The following ABL1 variants were observed in gnomAD, a reference collection of about 807,000 sequenced individuals.
The protein encoded by ABL1 is ABL proto-oncogene 1, non-receptor tyrosine kinase.
A neutral mutation model predicts 94.7 loss-of-function variants in ABL1; 11 were observed. The ratio of observed to expected loss-of-function variants is 0.12; its 90% CI spans 0.07 to 0.19. ABL1 has a LOEUF of 0.19. ABL1 is among the 10% of genes least tolerant of loss of function. The pLI, the probability that ABL1 is intolerant of heterozygous loss-of-function variation, is 1.00. For missense variants in ABL1, 1,082 were observed against 1,489.4 expected (o/e 0.73, Z 4.50); for synonymous variants, 656 against 622.4 (o/e 1.05, Z -0.80).
intron 1 of ABL1, among the ~76,000 whole-genome samples, chr9:130,770,390 C>G (rs1832238169): frequency 1.3e-5 from 2 of 152,078 alleles, no homozygotes; most frequent in African/African-American, 4.8e-5. Context: ...ACCTGTAGTC[C>G]CAGCTACTCA....
chr9:130,869,302 AGAT>A (rs1300283670), intron 4 of ABL1, among the ~76,000 whole-genome samples: 1 of 152,234 alleles, frequency 6.6e-6, no homozygotes, highest in East Asian at 1.9e-4. Flanking sequence ...TCAGGAATAG[AGAT>A]AAACTGCCTT....
At chr9:130,836,473 T>C (rs1012363221) in intron 1 of ABL1, among the ~76,000 whole-genome samples, 1 of 152,226 alleles carries the variant, frequency 6.6e-6, no homozygotes, top group East Asian at 1.9e-4. Flanking sequence ...AGGCTATCTG[T>C]GCTTCAGAGA....
intron 1 of ABL1, among the ~76,000 whole-genome samples, chr9:130,754,317 G>A (rs958998540): frequency 6.6e-6 from 1 of 151,322 alleles, no homozygotes; most frequent in Non-Finnish European, 1.5e-5. Flanking sequence ...GACCATCCTG[G>A]CTAACATGGT....
chr9:130,806,121 A>G (rs1830120931), intron 1 of ABL1, among the ~76,000 whole-genome samples: 1 of 152,178 alleles, frequency 6.6e-6, no homozygotes, highest in Non-Finnish European at 1.5e-5. Flanking sequence ...TGCAAACCTC[A>G]TGTCTACAGA....
chr9:130,727,550 C>G (rs12344760), intron 1 of ABL1, among the ~76,000 whole-genome samples: 49,171 of 151,872 alleles, frequency 0.32, 11,624 homozygotes, highest in African/African-American at 0.65. Context: ...ATCACAAGTT[C>G]AGGCGTTCAA....
chr9:130,857,926 C>T (rs192765250), intron 3 of ABL1, among the ~76,000 whole-genome samples: 6 of 152,152 alleles, frequency 3.9e-5, no homozygotes, highest in Admixed American at 2.6e-4. Context: ...TTCTGAGGGA[C>T]GTACTTCAGG....
intron 1 of ABL1, among the ~76,000 whole-genome samples, chr9:130,777,367 C>G (rs903298492): frequency 6.6e-6 from 1 of 152,220 alleles, no homozygotes; most frequent in Non-Finnish European, 1.5e-5. Flanking sequence ...CAAGGAACCT[C>G]TCAGGGCTTT....
Position 130,886,740 on chromosome 9 carries a change from T to C in ABL1, c.*1057T>C, listed in dbSNP as rs1033303189. Reference sequence around the variant, plus strand: ...CCTTTGGAACAAGACAGCCTTCACTTTTCTGAGTTCTTGAAGCATTTCAAA... The same window carrying C: ...CCTTTGGAACAAGACAGCCTTCACTCTTCTGAGTTCTTGAAGCATTTCAAA... On this transcript the variant is annotated 3_prime_UTR_variant, in exon 11 of 11. Transcript: ENST00000318560. 6.0e-5 allele frequency: 14 copies of C among 233,508 alleles called. 1 individual carries two copies. Among genetic ancestry groups the C allele is most frequent in the East Asian group, 6.0e-5 (1 of 16,538 alleles). 14.5% of individuals were successfully genotyped at this position (233,508 alleles called of 1,614,324 possible). A position where few individuals can be genotyped will look rare whatever the true frequency, so the allele number is the denominator to read the frequency against.
intron 1 of ABL1, among the ~76,000 whole-genome samples, chr9:130,791,502 A>G (rs1588240330): frequency 3.3e-5 from 5 of 151,892 alleles, no homozygotes; most frequent in Admixed American, 3.3e-4. Context: ...GGAGAGGAAG[A>G]CCCACCCTCA....
rs766198423 is a variant in ABL1, at chr9:130,863,011, G to C, written c.798G>C (p.Leu266=). 3.7e-6 allele frequency: 6 copies of C among 1,609,184 alleles called. No individual in the cohort carries two copies. The highest frequency in any genetic ancestry group is 1.3e-5 in the African/African-American group (1 of 74,846). ...VYEGVWKKYS[L]TVAVKTLKED... ...AGGGCGTGTGGAAGAAATACAGCCT[G>C]ACGGTGGCCGTGAAGACCTTGAAGG... Residue 266 remains leucine, a synonymous_variant, in exon 4 of 11, where the codon CTG becomes CTC. Coordinates refer to ENST00000318560, the MANE Select transcript of ABL1 (RefSeq NM_005157.6). This position sits in a 1 kb window ranked among gnomAD's most constrained non-coding sequence, Gnocchi z 4.3.
At chr9:130,745,436 T>C (rs1366745012) in intron 1 of ABL1, among the ~76,000 whole-genome samples, 1 of 151,380 alleles carries the variant, frequency 6.6e-6, no homozygotes, top group Non-Finnish European at 1.5e-5. Context: ...GCCTGCATAA[T>C]AGAGCGCCTG....
At position 130,863,865 on chromosome 9, in the gene ABL1, CAA is replaced by C. The variant is rs1162230913; in HGVS notation, c.822+831_822+832del. 1.3e-5 allele frequency among the ~76,000 whole-genome samples: 2 copies of C among 152,144 alleles called. No individual in the cohort carries two copies. Among genetic ancestry groups the C allele is most frequent in the African/African-American group, 2.4e-5 (1 of 41,418 alleles). Reference sequence around the variant, plus strand: ...ATTACCTTGACCTGTGCACAGAAATCAAGAGAGGCAGCCCCTTTTTAGAGCTG... The same window carrying C: ...ATTACCTTGACCTGTGCACAGAAATCGAGAGGCAGCCCCTTTTTAGAGCTG... On this transcript the variant is annotated intron_variant, in intron 4 of 10. Coordinates refer to ENST00000318560, the MANE Select transcript of ABL1 (RefSeq NM_005157.6). The surrounding 1 kb of genome is among the most constrained non-coding windows in gnomAD (Gnocchi z 4.3).
rs146550736 is a variant in ABL1, at chr9:130,872,291, G to A, written c.907+78G>A. Reference sequence around the variant, plus strand: ...GACACAGGCGCTGGGGAAGACGCACGGGCGGCTCACTGCACAAAACCTCGT... The same window carrying A: ...GACACAGGCGCTGGGGAAGACGCACAGGCGGCTCACTGCACAAAACCTCGT... On this transcript the variant is annotated intron_variant, in intron 5 of 10. Transcript: ENST00000318560. The surrounding 1 kb of genome is among the most constrained non-coding windows in gnomAD (Gnocchi z 5.0). 7.5e-4 allele frequency: 1,025 copies of A among 1,367,692 alleles called. 11 individuals are homozygous for A. The East Asian group carries it at 0.022, about 29-fold the overall frequency. 84.7% of individuals were successfully genotyped at this position (1,367,692 alleles called of 1,614,324 possible).
chr9:130,717,229 G>C (rs1831454116), intron 1 of ABL1, among the ~76,000 whole-genome samples: 1 of 152,046 alleles, frequency 6.6e-6, no homozygotes, highest in Non-Finnish European at 1.5e-5. Context: ...TTTTAGTAGA[G>C]ATGGAGTTTC....
At chr9:130,801,456 G>C (rs1033333985) in intron 1 of ABL1, among the ~76,000 whole-genome samples, 1 of 152,162 alleles carries the variant, frequency 6.6e-6, no homozygotes, top group Non-Finnish European at 1.5e-5. Flanking sequence ...TCGATCTCTT[G>C]ACCTCGTGAT....
chr9:130,849,519 A>T (rs538379244), intron 1 of ABL1, among the ~76,000 whole-genome samples: 2 of 141,230 alleles, frequency 1.4e-5, no homozygotes, highest in South Asian at 2.2e-4. Context: ...TTTAATGGTA[A>T]TTTTTTTTGT....
intron 1 of ABL1, among the ~76,000 whole-genome samples, chr9:130,763,373 C>T (rs943807234): frequency 2.6e-5 from 4 of 151,916 alleles, no homozygotes; most frequent in African/African-American, 9.7e-5. Flanking sequence ...AACACAATGC[C>T]TACAATATGC....
At chr9:130,833,095 G>C (rs1830512778), upstream of ABL1, among the ~76,000 whole-genome samples, 1 of 151,612 alleles carries the variant, frequency 6.6e-6, no homozygotes, top group Non-Finnish European at 1.5e-5. Context: ...ATAATAATTA[G>C]CTTAAAAAAA....
At chr9:130,731,029 CAG>C (rs1418363356) in intron 1 of ABL1, among the ~76,000 whole-genome samples, 1 of 85,932 alleles carries the variant, frequency 1.2e-5, no homozygotes, top group Admixed American at 1.9e-4. Context: ...TTTTTTGAGA[CAG>C]AGTCTTGCTC....
Sources: gnomAD v4.1 joint callset for allele counts (sites outside exome capture counted in the v4.1 genomes callset) on GRCh38, gnomAD v4.1.1 for gene constraint, Gnocchi (gnomAD v3.1) non-coding constraint, MANE v1.5 for transcripts, NCBI Gene and HGNC (gene_info 2026-07-23, HGNC 2026-07-21) for gene names.